The following PKD1L3 variants were observed in gnomAD, a reference collection of about 807,000 sequenced individuals.
PKD1L3 encodes the protein polycystin 1 like 3, transient receptor potential channel interacting.
A neutral mutation model predicts 184.1 loss-of-function variants in PKD1L3; 239 were observed. The observed-to-expected ratio is 1.30, with a 90% CI of 1.17 to 1.45. The LOEUF (loss-of-function observed/expected upper bound fraction) is 1.45, where lower values mean the gene tolerates loss of function less well. PKD1L3 is among the 40% of genes most tolerant of loss of function. The pLI, the probability that PKD1L3 is intolerant of heterozygous loss-of-function variation, is 0.00. For synonymous variants in PKD1L3, 996 were observed against 778.8 expected (o/e 1.28, Z -4.64); for missense variants, 2,660 against 2,067.2 (o/e 1.29, Z -5.56).
intron 28 of PKD1L3, among the ~76,000 whole-genome samples, chr16:71,932,486 T>TA (rs1377710216): frequency 3.9e-5 from 6 of 152,070 alleles, no homozygotes; most frequent in African/African-American, 7.2e-5. Flanking sequence ...TATGTCACTT[T>TA]TTTTTTTGAG....
At chr16:71,931,730 G>T (rs1309482610) in intron 28 of PKD1L3, among the ~76,000 whole-genome samples, 1 of 152,042 alleles carries the variant, frequency 6.6e-6, no homozygotes. Context: ...CTTCTAGAGT[G>T]CTGGGATTAC....
At chr16:71,991,609 A>G (rs1421032317) in intron 3 of PKD1L3, among the ~76,000 whole-genome samples, 1 of 152,240 alleles carries the variant, frequency 6.6e-6, no homozygotes, top group Non-Finnish European at 1.5e-5. Flanking sequence ...TTTCATTTAA[A>G]GAGTACAGGA....
chr16:71,985,987 C>T (rs1368454989), intron 5 of PKD1L3, among the ~76,000 whole-genome samples: 1 of 152,196 alleles, frequency 6.6e-6, no homozygotes, highest in Non-Finnish European at 1.5e-5. Flanking sequence ...ACTTCTTCCC[C>T]ATCTGAAGCA....
At chr16:71,951,415 T>A (rs1319450412) in intron 19 of PKD1L3, 149 bp downstream of exon 19, 6 of 719,710 alleles carry the variant, frequency 8.3e-6, no homozygotes, top group African/African-American at 7.2e-5. Flanking sequence ...AGAACAAAGC[T>A]ATCAACTCTA....
chr16:71,948,486 G>T (rs1208218216), intron 21 of PKD1L3, among the ~76,000 whole-genome samples: 4 of 152,122 alleles, frequency 2.6e-5, no homozygotes, highest in Non-Finnish European at 5.9e-5. Context: ...CTCCCAAAGT[G>T]CTAGGATTAC....
intron 2 of PKD1L3, among the ~76,000 whole-genome samples, chr16:71,997,115 C>T (rs905405020): frequency 3.3e-5 from 5 of 151,988 alleles, no homozygotes; most frequent in African/African-American, 4.8e-5. Flanking sequence ...TATGGCTAGA[C>T]CACAGTGGTT....
intron 5 of PKD1L3, among the ~76,000 whole-genome samples, chr16:71,985,519 A>G (rs1246670177): frequency 3.9e-5 from 6 of 152,174 alleles, no homozygotes; most frequent in Admixed American, 2.6e-4. Context: ...CCCAGGCTCA[A>G]GCAACCCTCC....
chr16:71,932,780 CTTTTT>C (rs71153681), intron 28 of PKD1L3, among the ~76,000 whole-genome samples: 13,247 of 96,966 alleles, frequency 0.14, 817 homozygotes, highest in South Asian at 0.37. Flanking sequence ...CGCACCTGGC[CTTTTT>C]TTTTTTTTTT....
chr16:71,965,315 G>A (rs1251388539), intron 15 of PKD1L3, among the ~76,000 whole-genome samples: 1 of 151,928 alleles, frequency 6.6e-6, no homozygotes, highest in African/African-American at 2.4e-5. Flanking sequence ...TTCTGTTTTG[G>A]GCTACTAATA....
intron 4 of PKD1L3, among the ~76,000 whole-genome samples, chr16:71,988,537 TGTG>T (rs2040466002): frequency 1.3e-5 from 2 of 152,156 alleles, no homozygotes; most frequent in Admixed American, 6.5e-5. Context: ...ACTTGGACCA[TGTG>T]GTGATCGTGG....
At chr16:71,958,443 G>C (rs575383058) in intron 16 of PKD1L3, among the ~76,000 whole-genome samples, 1 of 150,128 alleles carries the variant, frequency 6.7e-6, no homozygotes, top group East Asian at 2.0e-4. Flanking sequence ...TATTAAAAGA[G>C]CTACTTCAAC....
At chr16:71,984,518 T>C (rs10492825) in intron 5 of PKD1L3, among the ~76,000 whole-genome samples, 31,965 of 152,238 alleles carry the variant, frequency 0.21, 4,105 homozygotes, top group South Asian at 0.43. Flanking sequence ...TTCAGAAGTA[T>C]GTTTTCCTCT....
chr16:71,963,415 C>T (rs1019433457), intron 15 of PKD1L3, 64 bp from the exon 16 acceptor site: 19 of 1,421,524 alleles, frequency 1.3e-5, no homozygotes, highest in African/African-American at 8.6e-5. Context: ...TGTAGTAAGA[C>T]GTAATCTCAG....
At chr16:71,937,961 T>G (rs1487731344) in intron 24 of PKD1L3, among the ~76,000 whole-genome samples, 1 of 152,192 alleles carries the variant, frequency 6.6e-6, no homozygotes, top group African/African-American at 2.4e-5. Flanking sequence ...TGCCATGACA[T>G]CGGCTGCAGT....
chr16:71,944,161 G>C lies in PKD1L3; in HGVS notation c.3728C>G (p.Ser1243Cys). ...KRILALLAKC[S>C]SSVPGSRDKN... ...ATCTCTTGAACCTGGTACTGACGAA[G>C]AACATTTTGCTGTCAAAAATTCAAA... The change falls in exon 23 of 30, where the codon TCT (serine) becomes TGT (cysteine). Residue 1243 changes from serine to cysteine, a missense_variant. Transcript: ENST00000620267. 2 of 1,549,170 alleles carry C rather than the reference G, an allele frequency of 1.3e-6. No individual in the cohort carries two copies. The highest frequency in any genetic ancestry group is 1.7e-6 in the Non-Finnish European group (2 of 1,145,796).
At chr16:71,955,273 TG>T (rs2039000641) in intron 16 of PKD1L3, among the ~76,000 whole-genome samples, 1 of 151,688 alleles carries the variant, frequency 6.6e-6, no homozygotes, top group African/African-American at 2.4e-5. Context: ...GGTATGTGTG[TG>T]TGTGTGGAGG....
intron 4 of PKD1L3, among the ~76,000 whole-genome samples, chr16:71,989,601 A>G (rs146079085): frequency 4.6e-5 from 7 of 152,362 alleles, no homozygotes; most frequent in South Asian, 4.1e-4. Context: ...GTGAAATTTT[A>G]TAGATTATGT....
chr16:71,995,538 G>C (rs1475075885), intron 2 of PKD1L3, among the ~76,000 whole-genome samples: 1 of 151,792 alleles, frequency 6.6e-6, no homozygotes, highest in Non-Finnish European at 1.5e-5. Context: ...AAATATATAT[G>C]TTCTGTACCT....
rs1294253481 is a variant in PKD1L3, at chr16:71,935,432, G to A, written c.4539C>T (p.Ile1513=). Residue 1513 remains isoleucine, a synonymous_variant, in exon 26 of 30, where the codon ATC becomes ATT. Transcript: ENST00000620267. ...LDTSIILISF[I]LLGLDMKSIS... ...TACTCTTCATGTCAAGCCCCAGGAG[G>A]ATGAAGCTAATGAGGATTATACTTG... The A allele has an allele frequency of 1.3e-6, 2 of 1,552,026 alleles. No homozygotes were observed. The highest frequency in any genetic ancestry group is 1.7e-6 in the Non-Finnish European group (2 of 1,147,014).
Sources: allele counts gnomAD v4.1 joint callset (sites outside exome capture counted in the v4.1 genomes callset), GRCh38; gene constraint gnomAD v4.1.1; transcripts MANE v1.5; gene names NCBI Gene and HGNC (gene_info 2026-07-23, HGNC 2026-07-21).